Variants in ARHGEF10L observed in about 807,000 individuals in gnomAD.
The protein encoded by ARHGEF10L is rho guanine nucleotide exchange factor 10-like protein.
ARHGEF10L carries 69 observed loss-of-function variants against 141.2 expected under a neutral mutation model. That is an observed-to-expected ratio of 0.49 (90% CI 0.40 to 0.60). ARHGEF10L has a LOEUF of 0.60. Ranked by LOEUF, ARHGEF10L falls within the 20% of genes least tolerant of loss-of-function variation. The probability of loss-of-function intolerance (pLI) is 0.00; values close to 1 mark genes in which losing one functional copy is unlikely to be tolerated. For synonymous variants in ARHGEF10L, 711 were observed against 718.5 expected (o/e 0.99, Z 0.17); for missense variants, 1,482 against 1,734.3 (o/e 0.85, Z 2.58).
chr1:17,555,734 C>A (rs1485400693), intron 1 of ARHGEF10L, among the ~76,000 whole-genome samples: 1 of 152,182 alleles, frequency 6.6e-6, no homozygotes, highest in African/African-American at 2.4e-5. Context: ...TGACAGTCAA[C>A]CCCCCTCTGG....
chr1:17,660,505 TCA>T (rs1181545464), intron 25 of ARHGEF10L, among the ~76,000 whole-genome samples: 1 of 152,240 alleles, frequency 6.6e-6, no homozygotes. Flanking sequence ...TGTCCCTTTA[TCA>T]CAGTCATCAT....
intron 7 of ARHGEF10L, among the ~76,000 whole-genome samples, chr1:17,611,108 A>AC (rs2059527231): frequency 6.6e-6 from 1 of 152,010 alleles, no homozygotes; most frequent in Non-Finnish European, 1.5e-5. Flanking sequence ...AGCCTGGTCT[A>AC]CCCCCTGCTC....
intron 4 of ARHGEF10L, among the ~76,000 whole-genome samples, chr1:17,599,652 C>T (rs1021797020): frequency 2.0e-5 from 3 of 152,184 alleles, no homozygotes; most frequent in Admixed American, 6.5e-5. Context: ...ACCCACCTTC[C>T]TGGTCCAGAG....
intron 1 of ARHGEF10L, among the ~76,000 whole-genome samples, chr1:17,552,933 G>T (rs1263543025): frequency 2.6e-5 from 4 of 152,148 alleles, no homozygotes; most frequent in African/African-American, 9.7e-5. Context: ...CTGAGCATGA[G>T]TCCCTTCCTT....
intron 1 of ARHGEF10L, among the ~76,000 whole-genome samples, chr1:17,545,016 C>G (rs1031239171): frequency 2.6e-4 from 40 of 152,146 alleles, no homozygotes; most frequent in African/African-American, 9.2e-4. Context: ...CACGTCCCTC[C>G]CATGACATGC....
chr1:17,579,444 C>T (rs2078381572), intron 1 of ARHGEF10L, among the ~76,000 whole-genome samples: 3 of 152,146 alleles, frequency 2.0e-5, no homozygotes. Flanking sequence ...CCTGGCTCTT[C>T]CTAGCTGTGT....
intron 1 of ARHGEF10L, among the ~76,000 whole-genome samples, chr1:17,551,698 C>T (rs980077833): frequency 1.3e-5 from 2 of 152,086 alleles, no homozygotes; most frequent in Non-Finnish European, 2.9e-5. Context: ...TTCTCTGAAC[C>T]CTGCTGCTTC....
At chr1:17,669,523 AG>A in intron 26 of ARHGEF10L, among the ~76,000 whole-genome samples, 1 of 152,310 alleles carries the variant, frequency 6.6e-6, no homozygotes, top group Non-Finnish European at 1.5e-5. Flanking sequence ...CAGCTAGAAG[AG>A]GCAGGGTTGG....
chr1:17,573,224 C>A lies in ARHGEF10L; in HGVS notation c.-43-7329C>A, dbSNP rs2246282. On this transcript the variant is annotated intron_variant, in intron 1 of 28. Coordinates refer to ENST00000361221, the MANE Select transcript of ARHGEF10L (RefSeq NM_018125.4). This position sits in a 1 kb window ranked among gnomAD's most constrained non-coding sequence, Gnocchi z 4.8. Reference sequence around the variant, plus strand: ...AACCCACCTCTCAGGCTGCCTGCAGCCTAAACACACTCTCATGCTAAGTGG... The same window carrying A: ...AACCCACCTCTCAGGCTGCCTGCAGACTAAACACACTCTCATGCTAAGTGG... Among the ~76,000 whole-genome samples the A allele has an allele frequency of 0.073, 11,062 of 152,274 alleles. 434 individuals carry two copies. The highest frequency in any genetic ancestry group is 0.099 in the Middle Eastern group (29 of 292).
chr1:17,664,634 G>A, intron 26 of ARHGEF10L, 39 bp downstream of exon 26: 1 of 1,482,686 alleles, frequency 6.7e-7, no homozygotes, highest in Non-Finnish European at 8.9e-7. Flanking sequence ...CTGGAGGCCT[G>A]CCTTCCTTTT....
chr1:17,695,788 C>CTT (rs1371789449), intron 28 of ARHGEF10L, among the ~76,000 whole-genome samples: 2 of 50,674 alleles, frequency 3.9e-5, no homozygotes, highest in Admixed American at 2.8e-4. Flanking sequence ...TCCGGGTCCC[C>CTT]CTCCACCACC....
At chr1:17,684,643 T>G (rs1013597144) in intron 26 of ARHGEF10L, among the ~76,000 whole-genome samples, 1 of 152,124 alleles carries the variant, frequency 6.6e-6, no homozygotes, top group Admixed American at 6.5e-5. Context: ...CAAGATTCTG[T>G]CCTTGCTCTT....
At chr1:17,601,927 T>G (rs1366135390) in intron 4 of ARHGEF10L, among the ~76,000 whole-genome samples, 200 bp from the exon 5 acceptor site, 2 of 152,172 alleles carry the variant, frequency 1.3e-5, no homozygotes, top group Non-Finnish European at 2.9e-5. Context: ...TCTTGTGAAG[T>G]GCCAGCCCAA....
At chr1:17,546,119 G>C (rs955095157) in intron 1 of ARHGEF10L, among the ~76,000 whole-genome samples, 1 of 152,204 alleles carries the variant, frequency 6.6e-6, no homozygotes, top group African/African-American at 2.4e-5. Context: ...CCTGTCAGGG[G>C]CCTTGTGCTG....
rs570072738 is a variant in ARHGEF10L at position 17,635,535 on chromosome 1, G to A, written c.1927+519G>A. Among the ~76,000 whole-genome samples, 22 of 152,216 alleles carry A rather than the reference G, an allele frequency of 1.4e-4. 1 individual carries two copies. In the East Asian group the frequency reaches 1.5e-3, roughly 11 times the overall value. The stretch of plus-strand genomic sequence containing the variant: ...GATGGGCCATGCTCCCTCCCACCAC[G>A]CCCTCTCCAGCCTGTGCCTTTTGCC... On this transcript the variant is annotated intron_variant, in intron 18 of 28. Transcript: ENST00000361221.
At chr1:17,670,899 CTCT>C (rs1557993117) in intron 26 of ARHGEF10L, among the ~76,000 whole-genome samples, 1 of 152,254 alleles carries the variant, frequency 6.6e-6, no homozygotes. Flanking sequence ...TCCTGTGTGG[CTCT>C]TCTTTAGCTT....
chr1:17,523,590 G>A, the ARHGEF10L span, among the ~76,000 whole-genome samples: 2 of 152,274 alleles, frequency 1.3e-5, no homozygotes, highest in African/African-American at 4.8e-5. Flanking sequence ...AAAGTTGAAA[G>A]CGCACTTCAC....
the ARHGEF10L span, among the ~76,000 whole-genome samples, chr1:17,515,241 G>T: frequency 6.6e-6 from 1 of 152,048 alleles, no homozygotes; most frequent in Admixed American, 6.6e-5. Flanking sequence ...GCATCTTGTA[G>T]GGGAGGCCAG....
chr1:17,627,255 A>G lies in ARHGEF10L; in HGVS notation c.1411-75A>G. ...ACCCAGTGTGTGTAGGGGGTTGCGCAGGGTGAGGCTTTGCCCCAGGCTGGG... is the reference window on the plus strand; with the variant it reads ...ACCCAGTGTGTGTAGGGGGTTGCGCGGGGTGAGGCTTTGCCCCAGGCTGGG... On this transcript the variant is annotated intron_variant, in intron 14 of 28. Transcript: ENST00000361221. The surrounding 1 kb of genome is among the most constrained non-coding windows in gnomAD (Gnocchi z 4.0). The G allele has an allele frequency of 6.4e-7, 1 of 1,555,168 alleles. No individual in the cohort carries two copies. The highest frequency in any genetic ancestry group is 8.8e-7 in the Non-Finnish European group (1 of 1,141,766).
Sources: gnomAD v4.1 joint callset for allele counts (sites outside exome capture counted in the v4.1 genomes callset) on GRCh38, gnomAD v4.1.1 for gene constraint, Gnocchi (gnomAD v3.1) non-coding constraint, MANE v1.5 for transcripts, NCBI Gene and HGNC (gene_info 2026-07-23, HGNC 2026-07-21) for gene names.